DIP2C: variants seen among roughly 807,000 people sequenced by gnomAD.
DIP2C encodes the protein disco-interacting protein 2 homolog C.
Under a neutral mutation model 192.4 loss-of-function variants are expected in DIP2C, and 33 were observed. The ratio of observed to expected loss-of-function variants is 0.17; its 90% confidence interval spans 0.13 to 0.23. The LOEUF is 0.23. Ranked by LOEUF, DIP2C falls within the 10% of genes least tolerant of loss-of-function variation. The probability of loss-of-function intolerance (pLI) is 1.00; values close to 1 mark genes in which losing one functional copy is unlikely to be tolerated. For synonymous variants in DIP2C, 979 were observed against 864.1 expected (o/e 1.13, Z -2.33); for missense variants, 1,537 against 2,110.1 (o/e 0.73, Z 5.32).
intron 34 of DIP2C, among the ~76,000 whole-genome samples, chr10:283,998 T>C (rs977209055): frequency 3.3e-5 from 5 of 152,180 alleles, no homozygotes. Context: ...AAGACTGATA[T>C]GGTGAGTCAA....
chr10:602,820 G>A (rs190969403), intron 1 of DIP2C, among the ~76,000 whole-genome samples: 15 of 152,210 alleles, frequency 9.9e-5, no homozygotes, highest in Admixed American at 2.6e-4. Flanking sequence ...ATCCTTTTTC[G>A]CAGAAAGATA....
intron 1 of DIP2C, among the ~76,000 whole-genome samples, chr10:598,524 A>AG (rs1851857175): frequency 6.6e-6 from 1 of 152,224 alleles, no homozygotes; most frequent in South Asian, 2.1e-4. Context: ...CATCATGGGG[A>AG]GAGGCCCCAG....
At chr10:484,767 A>G in intron 2 of DIP2C, 1 of 1,609,112 alleles carries the variant, frequency 6.2e-7, no homozygotes, top group Non-Finnish European at 8.5e-7. Flanking sequence ...GGCTCTCAGC[A>G]AAGCAGCGCT....
At chr10:406,793 T>A (rs1446540159) in intron 9 of DIP2C, among the ~76,000 whole-genome samples, 1 of 152,094 alleles carries the variant, frequency 6.6e-6, no homozygotes, top group Admixed American at 6.6e-5. Flanking sequence ...CTCCCCAGAT[T>A]GCTCCTGGGG....
At chr10:284,297 C>T (rs1176470908) in intron 34 of DIP2C, among the ~76,000 whole-genome samples, 1 of 152,102 alleles carries the variant, frequency 6.6e-6, no homozygotes, top group Non-Finnish European at 1.5e-5. Context: ...ACTGCCTGCA[C>T]AACAAATGAA....
At chr10:486,569 T>C (rs765449643) in intron 1 of DIP2C, 39 bp from the exon 2 acceptor site, 2 of 1,546,444 alleles carry the variant, frequency 1.3e-6, no homozygotes, top group East Asian at 2.3e-5. Flanking sequence ...ATGGTCTCCG[T>C]GGATAGAGCA....
At chr10:324,262 T>G (rs887887821) in intron 31 of DIP2C, among the ~76,000 whole-genome samples, 1 of 152,352 alleles carries the variant, frequency 6.6e-6, no homozygotes, top group East Asian at 1.9e-4. Flanking sequence ...AAATTTGACA[T>G]AGGCTGACAT....
chr10:572,273 T>C (rs1191302038), intron 1 of DIP2C, among the ~76,000 whole-genome samples: 2 of 152,236 alleles, frequency 1.3e-5, no homozygotes, highest in Non-Finnish European at 2.9e-5. Context: ...ATCTCACTCA[T>C]ACTTGCTAAC....
intron 1 of DIP2C, among the ~76,000 whole-genome samples, chr10:674,513 T>C (rs1364064025): frequency 6.6e-6 from 1 of 151,914 alleles, no homozygotes; most frequent in African/African-American, 2.4e-5. Flanking sequence ...CTCACACCTG[T>C]AATCCCAGCA....
intron 2 of DIP2C, chr10:484,688 C>A: frequency 6.8e-7 from 1 of 1,473,400 alleles, no homozygotes; most frequent in South Asian, 1.3e-5. Flanking sequence ...CAAGGCCACA[C>A]CCTACACGTC....
At chr10:568,469 G>A (rs910040058) in intron 1 of DIP2C, among the ~76,000 whole-genome samples, 23 of 152,176 alleles carry the variant, frequency 1.5e-4, no homozygotes, top group Middle Eastern at 3.4e-3. Context: ...CAAGCTTTCG[G>A]AAAAAACTTC....
chr10:337,139 T>TGC lies in DIP2C; in HGVS notation c.3584+4059_3584+4060insGC, dbSNP rs1399365659. On this transcript the variant is annotated intron_variant, in intron 29 of 36. Transcript: ENST00000280886. ...GTGGAGGCCTAGGCAGCTGTGTGTG[T>TGC]GTGTGTGTTGTGGAGGCCTAGGCTG... is the stretch of plus-strand genomic sequence containing the variant. Among the ~76,000 whole-genome samples, 3 of 141,930 alleles carry TGC rather than the reference T, an allele frequency of 2.1e-5. No homozygotes were observed. The Admixed American group carries it at 2.1e-4, about 10-fold the overall frequency. The allele number at this position is 141,930 out of a possible 152,430, so 93.1% of individuals were successfully genotyped here.
intron 29 of DIP2C, among the ~76,000 whole-genome samples, chr10:337,685 C>T (rs1405140094): frequency 2.9e-5 from 4 of 137,204 alleles, no homozygotes; most frequent in Non-Finnish European, 4.6e-5. Flanking sequence ...GTTGTGGAGG[C>T]CTAGGCAGCT....
intron 1 of DIP2C, among the ~76,000 whole-genome samples, chr10:526,726 C>G (rs984496473): frequency 2.6e-5 from 4 of 152,216 alleles, no homozygotes; most frequent in African/African-American, 9.7e-5. Context: ...GTGGAAACTT[C>G]CGGAAGGCAT....
chr10:486,571 G>C, intron 1 of DIP2C, 41 bp from the exon 2 acceptor site: 1 of 1,535,354 alleles, frequency 6.5e-7, no homozygotes, highest in Non-Finnish European at 8.9e-7. Context: ...GGTCTCCGTG[G>C]ATAGAGCATT....
In DIP2C at chr10:422,914, T is replaced by C; in HGVS notation, c.514A>G (p.Thr172Ala). 6.2e-7 allele frequency: 1 copy of C among 1,614,036 alleles called. No homozygotes were observed. The highest frequency in any genetic ancestry group is 8.5e-7 in the Non-Finnish European group (1 of 1,180,036). Reference protein sequence around the residue: ...HWISQAIHGSTTSTTSSSSTQ... With the variant: ...HWISQAIHGSATSTTSSSSTQ... ...GAGGACGAGGAGGTGGTGGACGTGG[T>C]GGAGCCGTGGATGGCCTGGCTGATC... The change falls in exon 5 of 37, where the codon ACC (threonine) becomes GCC (alanine). Residue 172 changes from threonine (T) to alanine (A), a missense_variant. By Grantham distance (58) the Thr-to-Ala change is moderately conservative (BLOSUM62 0). Coordinates refer to ENST00000280886, the MANE Select transcript of DIP2C (RefSeq NM_014974.3).
At chr10:564,910 G>T (rs1422316638) in intron 1 of DIP2C, among the ~76,000 whole-genome samples, 1 of 152,156 alleles carries the variant, frequency 6.6e-6, no homozygotes, top group African/African-American at 2.4e-5. Context: ...TTTCTTCTCT[G>T]TGTTTGTCAA....
At position 652,222 on chromosome 10, in the gene DIP2C, C is replaced by T. The variant is rs1174583538; in HGVS notation, c.85+37272G>A. On this transcript the variant is annotated intron_variant, in intron 1 of 36. Transcript: ENST00000280886. The surrounding 1 kb of genome is among the most constrained non-coding windows in gnomAD (Gnocchi z 4.5). ...GTTTTTCCTGCAAGTGGGCGCACTG[C>T]GTATCCCCTGCGGGAAAGACCACGC... 4.4e-5 allele frequency: 8 copies of T among 182,108 alleles called. No individual in the cohort carries two copies. The South Asian group carries it at 5.0e-4, about 11-fold the overall frequency. The allele number at this position is 182,108 out of a possible 1,614,324, so 11.3% of individuals were successfully genotyped here.
chr10:509,541 C>A (rs1221806117), intron 1 of DIP2C, among the ~76,000 whole-genome samples: 1 of 152,204 alleles, frequency 6.6e-6, no homozygotes, highest in Non-Finnish European at 1.5e-5. Flanking sequence ...ACAGCCCATT[C>A]CCATTCTTGC....
Sources: gnomAD v4.1 joint callset for allele counts (sites outside exome capture counted in the v4.1 genomes callset) on GRCh38, gnomAD v4.1.1 for gene constraint, Gnocchi (gnomAD v3.1) non-coding constraint, MANE v1.5 for transcripts, NCBI Gene and HGNC (gene_info 2026-07-23, HGNC 2026-07-21) for gene names.